ZNF385B: variants seen among roughly 807,000 people sequenced by gnomAD.
ZNF385B encodes the protein zinc finger protein 385B, also known as zinc finger protein 533.
ZNF385B carries 23 observed loss-of-function variants against 39.2 expected under a neutral mutation model. That is an observed-to-expected ratio of 0.59 (90% CI 0.42 to 0.83). The LOEUF (loss-of-function observed/expected upper bound fraction) is 0.83. Among genes scored for constraint, ZNF385B ranks in the 40% least tolerant of loss-of-function variants. The pLI, the probability that ZNF385B is intolerant of heterozygous loss-of-function variation, is 0.00. For synonymous variants in ZNF385B, 205 were observed against 222.6 expected (o/e 0.92, Z 0.70); for missense variants, 552 against 598.9 (o/e 0.92, Z 0.82).
chr2:179,506,144 T>G (rs1166948130), intron 5 of ZNF385B, among the ~76,000 whole-genome samples: 1 of 152,152 alleles, frequency 6.6e-6, no homozygotes, highest in African/African-American at 2.4e-5. Context: ...CAAGCTTGTT[T>G]CAGATGCAGT....
intron 1 of ZNF385B, among the ~76,000 whole-genome samples, chr2:179,805,507 T>G (rs981509384): frequency 3.3e-5 from 5 of 152,218 alleles, no homozygotes; most frequent in Non-Finnish European, 4.4e-5. Context: ...AATCTGTAAC[T>G]TAACAAATTA....
At chr2:179,721,857 G>A (rs1403091796) in intron 3 of ZNF385B, among the ~76,000 whole-genome samples, 1 of 151,556 alleles carries the variant, frequency 6.6e-6, no homozygotes, top group East Asian at 1.9e-4. Flanking sequence ...TGTGGCCAGT[G>A]GAATAAGACA....
chr2:179,609,958 T>C (rs1018766064), intron 3 of ZNF385B, among the ~76,000 whole-genome samples: 46 of 152,234 alleles, frequency 3.0e-4, no homozygotes, highest in Admixed American at 2.0e-3. Flanking sequence ...ATTCTGGTTA[T>C]TAATCCCATG....
chr2:179,569,465 C>G (rs955937918), intron 3 of ZNF385B, among the ~76,000 whole-genome samples: 1 of 152,152 alleles, frequency 6.6e-6, no homozygotes, highest in Non-Finnish European at 1.5e-5. Flanking sequence ...TGAGGAAAAT[C>G]TAAATAAAAT....
chr2:179,818,804 C>G (rs1028473182), intron 1 of ZNF385B, among the ~76,000 whole-genome samples: 1 of 152,130 alleles, frequency 6.6e-6, no homozygotes, highest in African/African-American at 2.4e-5. Flanking sequence ...TTCTCATCCT[C>G]AGTGCTGGCC....
intron 3 of ZNF385B, among the ~76,000 whole-genome samples, chr2:179,700,695 C>A (rs7557247): frequency 0.39 from 59,884 of 151,952 alleles, 12,800 homozygotes; most frequent in East Asian, 0.56. Flanking sequence ...CAGAGTAAAT[C>A]ATGAGTGCCA....
chr2:179,643,086 A>C (rs889761566), intron 3 of ZNF385B, among the ~76,000 whole-genome samples: 3 of 151,880 alleles, frequency 2.0e-5, no homozygotes, highest in African/African-American at 7.2e-5. Flanking sequence ...ACATTTTCTC[A>C]AAAATAAATG....
At chr2:179,669,711 T>A (rs1219241682) in intron 3 of ZNF385B, among the ~76,000 whole-genome samples, 1 of 152,206 alleles carries the variant, frequency 6.6e-6, no homozygotes, top group Non-Finnish European at 1.5e-5. Flanking sequence ...GGATGGGGTT[T>A]CTTTGGAGGT....
chr2:179,556,941 C>T (rs16866773), intron 3 of ZNF385B, among the ~76,000 whole-genome samples: 23,473 of 148,846 alleles, frequency 0.16, 3,059 homozygotes, highest in Middle Eastern at 0.19. Flanking sequence ...AACGGCAGTG[C>T]AGAACTATCA....
chr2:179,745,611 A>C, intron 3 of ZNF385B: 1 of 1,018,294 alleles, frequency 9.8e-7, no homozygotes, highest in South Asian at 2.5e-5. Flanking sequence ...ACAATGTGAT[A>C]AACACAATTG....
chr2:179,831,682 T>C (rs1190944870), intron 1 of ZNF385B, among the ~76,000 whole-genome samples: 3 of 152,172 alleles, frequency 2.0e-5, no homozygotes, highest in Non-Finnish European at 4.4e-5. Context: ...TTTGCTTAAA[T>C]GCTCCTTCCA....
At chr2:179,615,061 T>C (rs1025678489) in intron 3 of ZNF385B, among the ~76,000 whole-genome samples, 5 of 152,194 alleles carry the variant, frequency 3.3e-5, no homozygotes, top group Non-Finnish European at 7.3e-5. Flanking sequence ...CATCTGGACA[T>C]TTAAGATTTT....
chr2:179,488,922 A>G (rs897675948), intron 5 of ZNF385B, among the ~76,000 whole-genome samples: 1 of 152,226 alleles, frequency 6.6e-6, no homozygotes, highest in Non-Finnish European at 1.5e-5. Context: ...ATTGTAAACG[A>G]TTAAAAACAA....
At chr2:179,725,955 T>A (rs560443409) in intron 3 of ZNF385B, among the ~76,000 whole-genome samples, 1 of 150,342 alleles carries the variant, frequency 6.7e-6, no homozygotes, top group African/African-American at 2.4e-5. Flanking sequence ...GAGAGAGAGA[T>A]AAATCTAGAC....
chr2:179,537,431 TTC>T (rs1372436848), intron 4 of ZNF385B, among the ~76,000 whole-genome samples: 1 of 151,916 alleles, frequency 6.6e-6, no homozygotes, highest in African/African-American at 2.4e-5. Context: ...TACATACTTT[TTC>T]TCTCTGTCAA....
rs556309818 is a variant in ZNF385B, at chr2:179,596,268, T to C, written c.299-51299A>G. 2.0e-5 allele frequency among the ~76,000 whole-genome samples: 3 copies of C among 152,334 alleles called. No homozygotes were observed. In the South Asian group the frequency reaches 6.2e-4, roughly 32 times the overall value. On this transcript the variant is annotated intron_variant, in intron 3 of 9. Coordinates refer to ENST00000410066, the MANE Select transcript of ZNF385B (RefSeq NM_152520.6). Reference sequence around the variant, plus strand: ...CTCTCAATTCTTTCCCCTGGACTACTGGTTCTGCTTGCTGAGTCATTCATC... The same window carrying C: ...CTCTCAATTCTTTCCCCTGGACTACCGGTTCTGCTTGCTGAGTCATTCATC...
intron 5 of ZNF385B, among the ~76,000 whole-genome samples, chr2:179,515,296 G>A (rs1231318142): frequency 1.3e-5 from 2 of 152,130 alleles, no homozygotes; most frequent in Non-Finnish European, 2.9e-5. Context: ...AAACCAAGCA[G>A]TTCTCTATTA....
intron 1 of ZNF385B, among the ~76,000 whole-genome samples, chr2:179,797,786 T>C (rs1240760745): frequency 1.3e-5 from 2 of 152,172 alleles, no homozygotes; most frequent in African/African-American, 2.4e-5. Context: ...CAATAAGTTA[T>C]GGGACTTCAT....
intron 3 of ZNF385B, among the ~76,000 whole-genome samples, chr2:179,666,369 T>G (rs1695159285): frequency 6.6e-6 from 1 of 152,232 alleles, no homozygotes; most frequent in African/African-American, 2.4e-5. Context: ...TTAAATTAGC[T>G]ATAAAATATT....
Sources: gnomAD v4.1 joint callset for allele counts (sites outside exome capture counted in the v4.1 genomes callset) on GRCh38, gnomAD v4.1.1 for gene constraint, MANE v1.5 for transcripts, NCBI Gene and HGNC (gene_info 2026-07-23, HGNC 2026-07-21) for gene names.